TMTC2: variants seen among roughly 807,000 people sequenced by gnomAD.
The protein encoded by TMTC2 is transmembrane O-mannosyltransferase targeting cadherins 2, also known as protein O-mannosyl-transferase TMTC2.
In TMTC2, 43 loss-of-function variants were observed where a neutral mutation model predicts 82.4. That is an observed-to-expected ratio of 0.52 (90% confidence interval 0.41 to 0.67). The LOEUF (loss-of-function observed/expected upper bound fraction) is 0.67, where lower values mean the gene tolerates loss of function less well. TMTC2 is among the 30% of genes least tolerant of loss of function. TMTC2 has a pLI of 0.00. For missense variants in TMTC2, 919 were observed against 1,012.4 expected (o/e 0.91, Z 1.25); for synonymous variants, 408 against 381.9 (o/e 1.07, Z -0.80).
At chr12:83,089,802 A>T (rs1029515409) in intron 11 of TMTC2, among the ~76,000 whole-genome samples, 4 of 151,346 alleles carry the variant, frequency 2.6e-5, no homozygotes, top group Admixed American at 6.7e-5. Context: ...GTCTTCAGTC[A>T]TGTACATTGG....
chr12:83,116,168 A>G (rs1456040180), intron 11 of TMTC2, among the ~76,000 whole-genome samples: 2 of 152,238 alleles, frequency 1.3e-5, no homozygotes, highest in East Asian at 1.9e-4. Context: ...AGTGAGACAT[A>G]TGATGTTTGG....
intron 3 of TMTC2, among the ~76,000 whole-genome samples, chr12:82,898,162 A>G (rs1224784346): frequency 6.6e-6 from 1 of 152,218 alleles, no homozygotes; most frequent in Non-Finnish European, 1.5e-5. Flanking sequence ...ACTGCATAGC[A>G]TGTAATTTCT....
intron 9 of TMTC2, among the ~76,000 whole-genome samples, chr12:83,040,292 C>T (rs1269600287): frequency 6.6e-6 from 1 of 152,270 alleles, no homozygotes; most frequent in East Asian, 1.9e-4. Context: ...TTGTGGGTCT[C>T]CAGTGGTGAC....
intron 1 of TMTC2, among the ~76,000 whole-genome samples, chr12:82,742,749 C>T (rs978209827): frequency 7.9e-5 from 12 of 152,138 alleles, no homozygotes; most frequent in African/African-American, 2.7e-4. Flanking sequence ...GTCTCGAACT[C>T]CTGACCTCAG....
At chr12:82,972,567 A>T (rs1878495966) in intron 7 of TMTC2, among the ~76,000 whole-genome samples, 1 of 152,190 alleles carries the variant, frequency 6.6e-6, no homozygotes, top group Admixed American at 6.5e-5. Flanking sequence ...TATTAGAGCA[A>T]TTTTTTGTAT....
At chr12:82,886,700 A>G (rs1873118227) in intron 2 of TMTC2, among the ~76,000 whole-genome samples, 1 of 152,330 alleles carries the variant, frequency 6.6e-6, no homozygotes, top group South Asian at 2.1e-4. Context: ...GGAGAAAACA[A>G]ATGTTTCTAA....
At chr12:82,798,195 T>A (rs1878815192) in intron 1 of TMTC2, among the ~76,000 whole-genome samples, 1 of 150,038 alleles carries the variant, frequency 6.7e-6, no homozygotes, top group South Asian at 2.1e-4. Context: ...GACCTCGTGA[T>A]CCACCTGCCT....
intron 1 of TMTC2, among the ~76,000 whole-genome samples, chr12:82,845,252 A>ATATATAT (rs59603524): frequency 5.2e-5 from 2 of 38,808 alleles, no homozygotes; most frequent in African/African-American, 2.0e-4. Flanking sequence ...AAAAAAAAAA[A>ATATATAT]ATATATATAT....
At chr12:82,833,345 A>G (rs903064408) in intron 1 of TMTC2, among the ~76,000 whole-genome samples, 1 of 152,212 alleles carries the variant, frequency 6.6e-6, no homozygotes, top group African/African-American at 2.4e-5. Context: ...ATTGCAGTTT[A>G]TGGCAGAAAT....
chr12:83,031,327 C>T (rs1881422070), intron 9 of TMTC2, among the ~76,000 whole-genome samples: 1 of 152,140 alleles, frequency 6.6e-6, no homozygotes, highest in South Asian at 2.1e-4. Flanking sequence ...TGTACACTAG[C>T]CTGTAAATGC....
intron 11 of TMTC2, among the ~76,000 whole-genome samples, chr12:83,086,275 G>A (rs1024989712): frequency 2.0e-5 from 3 of 151,254 alleles, no homozygotes; most frequent in African/African-American, 7.3e-5. Context: ...GGTGTTCCTC[G>A]CTTCTCAGAC....
chr12:82,965,168 C>A, intron 5 of TMTC2, 59 bp downstream of exon 5: 1 of 1,271,768 alleles, frequency 7.9e-7, no homozygotes, highest in South Asian at 1.3e-5. Context: ...AAAATTAACT[C>A]TAATTTACAG....
At chr12:82,707,504 C>CT (rs1363581021) in intron 1 of TMTC2, among the ~76,000 whole-genome samples, 3 of 152,196 alleles carry the variant, frequency 2.0e-5, no homozygotes, top group Non-Finnish European at 4.4e-5. Flanking sequence ...CATGAGGACT[C>CT]TGTTTCTTTC....
chr12:83,002,157 C>T (rs1879956579), intron 8 of TMTC2, among the ~76,000 whole-genome samples: 1 of 152,104 alleles, frequency 6.6e-6, no homozygotes, highest in Admixed American at 6.5e-5. Flanking sequence ...TTTCAAAACT[C>T]ATTATTGATC....
chr12:83,020,418 A>C (rs1308068574), intron 8 of TMTC2, among the ~76,000 whole-genome samples: 2 of 152,244 alleles, frequency 1.3e-5, no homozygotes, highest in African/African-American at 4.8e-5. Flanking sequence ...CTAAAGTCTG[A>C]AAACAGCATA....
intron 2 of TMTC2, among the ~76,000 whole-genome samples, chr12:82,866,413 T>A (rs1871865794): frequency 1.3e-5 from 2 of 152,186 alleles, no homozygotes; most frequent in Admixed American, 6.5e-5. Context: ...AAGGGTCCTT[T>A]TTACAGTACA....
intron 9 of TMTC2, among the ~76,000 whole-genome samples, chr12:83,033,685 AAGTTGC>A (rs1445468387): frequency 1.3e-5 from 2 of 152,000 alleles, no homozygotes; most frequent in Non-Finnish European, 2.9e-5. Flanking sequence ...CGGGAGGCAG[AAGTTGC>A]AGTGAGCCAA....
chr12:83,028,883 A>G (rs1012096371), intron 8 of TMTC2, among the ~76,000 whole-genome samples: 3 of 152,228 alleles, frequency 2.0e-5, no homozygotes, highest in African/African-American at 7.2e-5. Flanking sequence ...CTTTGAAGTT[A>G]AAATGTGGGA....
chr12:82,923,074 A>G (rs1238405893), intron 3 of TMTC2, among the ~76,000 whole-genome samples: 3 of 152,212 alleles, frequency 2.0e-5, no homozygotes, highest in African/African-American at 7.2e-5. Flanking sequence ...GTACTGTCAG[A>G]TGGCATAACA....
Sources: allele counts gnomAD v4.1 joint callset (sites outside exome capture counted in the v4.1 genomes callset), GRCh38; gene constraint gnomAD v4.1.1; transcripts MANE v1.5; gene names NCBI Gene and HGNC (gene_info 2026-07-23, HGNC 2026-07-21).